RYR2: variants seen among roughly 807,000 people sequenced by gnomAD.
RYR2 encodes the protein ryanodine receptor 2.
A neutral mutation model predicts 601.1 loss-of-function variants in RYR2; 227 were observed. The ratio of observed to expected loss-of-function variants is 0.38; its 90% CI spans 0.34 to 0.42. RYR2 has a LOEUF of 0.42. Ranked by LOEUF, RYR2 falls within the 10% of genes least tolerant of loss-of-function variation. RYR2 has a pLI of 1.00. For missense variants in RYR2, 4,646 were observed against 6,156.5 expected (o/e 0.75, Z 8.21); for synonymous variants, 2,223 against 2,175.1 (o/e 1.02, Z -0.61).
At chr1:237,531,338 G>C (rs1274249574) in intron 25 of RYR2, among the ~76,000 whole-genome samples, 2 of 152,088 alleles carry the variant, frequency 1.3e-5, no homozygotes, top group African/African-American at 4.8e-5. Context: ...TCATCTGCCT[G>C]TGGGCATTAG....
intron 1 of RYR2, among the ~76,000 whole-genome samples, chr1:237,190,461 G>A (rs534481716): frequency 2.0e-5 from 3 of 152,108 alleles, no homozygotes; most frequent in South Asian, 2.1e-4. Flanking sequence ...TTTTTTGGTT[G>A]TTGCTGAGTT....
intron 101 of RYR2, among the ~76,000 whole-genome samples, chr1:237,823,867 T>C (rs574493461): frequency 6.6e-6 from 1 of 152,042 alleles, no homozygotes; most frequent in East Asian, 1.9e-4. Flanking sequence ...ATCCCACAGA[T>C]ATACAAACTA....
At chr1:237,613,530 G>A (rs1257624394) in intron 36 of RYR2, among the ~76,000 whole-genome samples, 5 of 152,122 alleles carry the variant, frequency 3.3e-5, no homozygotes, top group Admixed American at 1.3e-4. Flanking sequence ...ACAGTGGCGC[G>A]ATCTCGGCTC....
chr1:237,052,831 C>G (rs1283362473), intron 1 of RYR2, among the ~76,000 whole-genome samples: 1 of 152,002 alleles, frequency 6.6e-6, no homozygotes, highest in Non-Finnish European at 1.5e-5. Flanking sequence ...TGCCCTTTGC[C>G]TCTCTTCTTG....
At chr1:237,508,911 T>A (rs1404096941) in intron 23 of RYR2, among the ~76,000 whole-genome samples, 2 of 150,780 alleles carry the variant, frequency 1.3e-5, no homozygotes, top group Admixed American at 6.6e-5. Flanking sequence ...CCCGGCTAAT[T>A]TTTTGTATTT....
rs528678780 is a variant in RYR2 at position 237,435,261 on chromosome 1, C to T, written c.1006-6058C>T. ...CTTTCATGCATTATCTTATTTAATC[C>T]TAACACAACTGTATGGAGTTAAGAT... On this transcript the variant is annotated intron_variant, in intron 12 of 104. Transcript: ENST00000366574. Among the ~76,000 whole-genome samples the T allele has an allele frequency of 1.6e-4, 25 of 152,166 alleles. 1 individual carries two copies. The South Asian group carries it at 5.0e-3, about 30-fold the overall frequency.
chr1:237,334,238 C>G (rs1999869), intron 3 of RYR2, among the ~76,000 whole-genome samples: 2 of 151,792 alleles, frequency 1.3e-5, no homozygotes, highest in Admixed American at 1.3e-4. Flanking sequence ...TCATTTGTGA[C>G]AAAGTAAATC....
At chr1:237,808,584 C>T (rs575406766) in intron 99 of RYR2, among the ~76,000 whole-genome samples, 4 of 150,712 alleles carry the variant, frequency 2.7e-5, no homozygotes, top group Admixed American at 1.3e-4. Context: ...CGCTTGAACC[C>T]GGGAGGCAGA....
chr1:237,390,703 G>C (rs1029933130), intron 10 of RYR2, among the ~76,000 whole-genome samples: 1 of 151,990 alleles, frequency 6.6e-6, no homozygotes, highest in Admixed American at 6.6e-5. Context: ...GAAATCTAGG[G>C]GACATTTCAA....
At chr1:237,525,722 G>A (rs1667510553) in intron 24 of RYR2, among the ~76,000 whole-genome samples, 1 of 152,008 alleles carries the variant, frequency 6.6e-6, no homozygotes, top group Admixed American at 6.6e-5. Flanking sequence ...GCTCACTCCT[G>A]TAATCCCAGC....
chr1:237,804,542 A>G (rs1198963929), intron 98 of RYR2, among the ~76,000 whole-genome samples: 1 of 152,112 alleles, frequency 6.6e-6, no homozygotes, highest in Non-Finnish European at 1.5e-5. Flanking sequence ...TAGTCCCATA[A>G]GTAAGAGCAG....
chr1:237,309,661 C>T (rs533761685), intron 2 of RYR2, among the ~76,000 whole-genome samples: 1 of 152,328 alleles, frequency 6.6e-6, no homozygotes, highest in East Asian at 1.9e-4. Context: ...TCGATGGGAC[C>T]AGGCGCCATG....
intron 8 of RYR2, among the ~76,000 whole-genome samples, chr1:237,382,367 TTTATTTTTTATTG>T (rs1055722251): frequency 3.9e-5 from 6 of 152,224 alleles, no homozygotes; most frequent in South Asian, 2.1e-4. Flanking sequence ...AATTTCTTTT[TTTATTTTTTATTG>T]TTATTTTTTA....
intron 1 of RYR2, among the ~76,000 whole-genome samples, chr1:237,145,266 T>C (rs1375750883): frequency 6.6e-6 from 1 of 151,988 alleles, no homozygotes; most frequent in Non-Finnish European, 1.5e-5. Context: ...GTGGGTAGAC[T>C]CTTGGGACTA....
In RYR2 at chr1:237,388,187, A is replaced by G. The variant is rs1702097862; in HGVS notation, c.773+4A>G. The stretch of plus-strand genomic sequence containing the variant: ...AACATGGTGAAGAGCAGCGGAGGTT[A>G]GTACCTGAGCTCATTGCATTGAGAC... On this transcript the variant is annotated splice_donor_region_variant and intron_variant, in intron 10 of 104. Coordinates refer to ENST00000366574, the MANE Select transcript of RYR2 (RefSeq NM_001035.3). 3 of 1,612,284 alleles carry G rather than the reference A, an allele frequency of 1.9e-6. No homozygotes were observed. Among genetic ancestry groups the G allele is most frequent in the African/African-American group, 2.7e-5 (2 of 75,052 alleles).
chr1:237,273,577 C>T (rs1180727070), intron 2 of RYR2, among the ~76,000 whole-genome samples: 1 of 152,144 alleles, frequency 6.6e-6, no homozygotes, highest in Non-Finnish European at 1.5e-5. Flanking sequence ...TGGAATGGCT[C>T]TGTCCTCTGA....
At chr1:237,329,960 G>C (rs1696550739) in intron 2 of RYR2, among the ~76,000 whole-genome samples, 1 of 152,166 alleles carries the variant, frequency 6.6e-6, no homozygotes, top group Non-Finnish European at 1.5e-5. Flanking sequence ...CATCCAACTT[G>C]AATAAAACAA....
At chr1:237,346,132 G>T (rs113570134) in intron 3 of RYR2, among the ~76,000 whole-genome samples, 4,091 of 152,122 alleles carry the variant, frequency 0.027, 183 homozygotes, top group African/African-American at 0.092. Flanking sequence ...TTGGGAGGCT[G>T]AGGTGGGCAG....
intron 55 of RYR2, 74 bp from the exon 56 acceptor site, chr1:237,660,736 T>G: frequency 7.4e-7 from 1 of 1,346,610 alleles, no homozygotes; most frequent in Non-Finnish European, 1.0e-6. Context: ...CAGTCTATTT[T>G]AGAGCAAAGC....
Sources: gnomAD v4.1 joint callset for allele counts (sites outside exome capture counted in the v4.1 genomes callset) on GRCh38, gnomAD v4.1.1 for gene constraint, MANE v1.5 for transcripts, NCBI Gene and HGNC (gene_info 2026-07-23, HGNC 2026-07-21) for gene names.